PIAS1: variants seen among roughly 807,000 people sequenced by gnomAD.
PIAS1 encodes E3 SUMO-protein ligase PIAS1.
A neutral mutation model predicts 71.3 loss-of-function variants in PIAS1; 6 were observed. The observed-to-expected ratio is 0.08, with a 90% CI of 0.05 to 0.17. PIAS1 has a LOEUF of 0.17. PIAS1 is among the 10% of genes least tolerant of loss of function. The probability of loss-of-function intolerance (pLI) is 1.00; values close to 1 mark genes in which losing one functional copy is unlikely to be tolerated. For missense variants in PIAS1, 555 were observed against 793.6 expected (o/e 0.70, Z 3.61); for synonymous variants, 303 against 292.9 (o/e 1.03, Z -0.35).
chr15:68,097,929 T>C (rs1166946351), intron 2 of PIAS1, among the ~76,000 whole-genome samples: 1 of 152,218 alleles, frequency 6.6e-6, no homozygotes, highest in Non-Finnish European at 1.5e-5. Flanking sequence ...CTTCTGACAT[T>C]TGTGGGGTTT....
intron 1 of PIAS1, among the ~76,000 whole-genome samples, chr15:68,063,516 A>G (rs554019567): frequency 6.6e-6 from 1 of 152,130 alleles, no homozygotes; most frequent in Admixed American, 6.5e-5. Flanking sequence ...TATTTATCAC[A>G]TTCTGTTATT....
intron 2 of PIAS1, among the ~76,000 whole-genome samples, chr15:68,131,638 T>G (rs1420660283): frequency 6.6e-6 from 1 of 152,210 alleles, no homozygotes; most frequent in Admixed American, 6.5e-5. Flanking sequence ...ATAAGCATAG[T>G]ATTGTCTAAT....
chr15:68,068,475 G>GA, intron 1 of PIAS1, among the ~76,000 whole-genome samples: 1 of 152,114 alleles, frequency 6.6e-6, no homozygotes, highest in South Asian at 2.1e-4. Flanking sequence ...TTTTGAGACT[G>GA]AGTTTGCACT....
At chr15:68,100,303 CAT>C (rs1279321265) in intron 2 of PIAS1, among the ~76,000 whole-genome samples, 2 of 152,130 alleles carry the variant, frequency 1.3e-5, no homozygotes, top group Non-Finnish European at 2.9e-5. Flanking sequence ...TATTTGCAGT[CAT>C]GTGTATTTGT....
chr15:68,157,861 CAAGTATTTA>C (rs2092901549), intron 7 of PIAS1, among the ~76,000 whole-genome samples: 1 of 152,154 alleles, frequency 6.6e-6, no homozygotes, highest in African/African-American at 2.4e-5. Flanking sequence ...TCCTCAAATT[CAAGTATTTA>C]AAACTGAACT....
chr15:68,161,090 C>G (rs2092920805), intron 7 of PIAS1, among the ~76,000 whole-genome samples: 1 of 152,180 alleles, frequency 6.6e-6, no homozygotes, highest in Non-Finnish European at 1.5e-5. Flanking sequence ...ACTAGAAATA[C>G]TATGTGAGTT....
intron 2 of PIAS1, among the ~76,000 whole-genome samples, chr15:68,105,648 T>C (rs2092462066): frequency 6.6e-6 from 1 of 152,158 alleles, no homozygotes; most frequent in African/African-American, 2.4e-5. Context: ...CTTTATAGAT[T>C]AAACCTCTGA....
At chr15:68,161,816 G>C (rs1215836058) in intron 7 of PIAS1, among the ~76,000 whole-genome samples, 1 of 151,904 alleles carries the variant, frequency 6.6e-6, no homozygotes, top group African/African-American at 2.4e-5. Context: ...TCTAATCCCA[G>C]CTACTTGGGA....
intron 7 of PIAS1, among the ~76,000 whole-genome samples, chr15:68,160,693 A>G (rs1346801656): frequency 6.6e-6 from 1 of 152,238 alleles, no homozygotes; most frequent in Non-Finnish European, 1.5e-5. Flanking sequence ...TCAACAAACT[A>G]AAAATGAAAA....
chr15:68,060,830 T>C (rs1017241197), intron 1 of PIAS1, among the ~76,000 whole-genome samples: 1 of 152,176 alleles, frequency 6.6e-6, no homozygotes, highest in Non-Finnish European at 1.5e-5. Context: ...ATTACAGGCA[T>C]GCGCCACTGC....
chr15:68,131,884 C>T (rs2092689903), intron 2 of PIAS1, among the ~76,000 whole-genome samples: 1 of 151,514 alleles, frequency 6.6e-6, no homozygotes, highest in Admixed American at 6.6e-5. Context: ...AGTGGGATTG[C>T]TGGGTATTTA....
chr15:68,114,538 G>A (rs567929573), intron 2 of PIAS1, among the ~76,000 whole-genome samples: 1 of 152,128 alleles, frequency 6.6e-6, no homozygotes, highest in Non-Finnish European at 1.5e-5. Context: ...GCTGACATTC[G>A]TAGATAGGAA....
Position 68,174,489 on chromosome 15 carries a change from CA to C in PIAS1, c.1169+598del, listed in dbSNP as rs1232490461. On this transcript the variant is annotated intron_variant, in intron 9 of 13. Coordinates refer to ENST00000249636, the MANE Select transcript of PIAS1 (RefSeq NM_016166.3). The surrounding 1 kb of genome is among the most constrained non-coding windows in gnomAD (Gnocchi z 4.0). ...GCCCCCTTTTCCTCCTGCTTTTTGC[CA>C]CTAAACAAAAACAAATTGTGAAAAG... Among the ~76,000 whole-genome samples the C allele has an allele frequency of 6.6e-6, 1 of 152,134 alleles. No individual in the cohort carries two copies. Among genetic ancestry groups the C allele is most frequent in the African/African-American group, 2.4e-5 (1 of 41,402 alleles).
At chr15:68,058,849 A>G (rs552227769) in intron 1 of PIAS1, among the ~76,000 whole-genome samples, 3 of 152,306 alleles carry the variant, frequency 2.0e-5, no homozygotes, top group Admixed American at 6.5e-5. Context: ...GAGCATATGT[A>G]TATGTATATT....
intron 2 of PIAS1, among the ~76,000 whole-genome samples, chr15:68,110,731 C>T (rs1355841399): frequency 6.6e-6 from 1 of 151,578 alleles, no homozygotes; most frequent in Non-Finnish European, 1.5e-5. Context: ...AGAGTGGGAC[C>T]CTGTCTCCAG....
chr15:68,093,820 T>C (rs11630719), intron 2 of PIAS1, among the ~76,000 whole-genome samples: 151,332 of 152,278 alleles, frequency 0.99, 75,206 homozygotes, highest in Middle Eastern at 1. Flanking sequence ...AGTCATTTTT[T>C]CTTGTCTGTT....
At chr15:68,077,877 A>G (rs746210324) in intron 1 of PIAS1, among the ~76,000 whole-genome samples, 10 of 152,246 alleles carry the variant, frequency 6.6e-5, no homozygotes, top group African/African-American at 2.2e-4. Context: ...CTTAATCTCT[A>G]TACTAGGACC....
chr15:68,104,286 T>C (rs1412111897), intron 2 of PIAS1, among the ~76,000 whole-genome samples: 1 of 152,214 alleles, frequency 6.6e-6, no homozygotes, highest in African/African-American at 2.4e-5. Flanking sequence ...TAATTTGTTG[T>C]CTGTCATTTT....
At chr15:68,066,188 C>T (rs1250855960) in intron 1 of PIAS1, among the ~76,000 whole-genome samples, 2 of 151,912 alleles carry the variant, frequency 1.3e-5, no homozygotes, top group African/African-American at 2.4e-5. Flanking sequence ...GACATGATCT[C>T]GGCTCACCAC....
Sources: gnomAD v4.1 joint callset for allele counts (sites outside exome capture counted in the v4.1 genomes callset) on GRCh38, gnomAD v4.1.1 for gene constraint, Gnocchi (gnomAD v3.1) non-coding constraint, MANE v1.5 for transcripts, NCBI Gene and HGNC (gene_info 2026-07-23, HGNC 2026-07-21) for gene names.